TPH2: variants seen among roughly 807,000 people sequenced by gnomAD.
The protein encoded by TPH2 is tryptophan hydroxylase 2.
TPH2 carries 27 observed loss-of-function variants against 59.1 expected under a neutral mutation model. The observed-to-expected ratio is 0.46, with a 90% CI of 0.34 to 0.63. The LOEUF (loss-of-function observed/expected upper bound fraction) is 0.63, where lower values mean the gene tolerates loss of function less well. Ranked by LOEUF, TPH2 falls within the 30% of genes least tolerant of loss-of-function variation. TPH2 has a pLI of 0.01. For missense variants in TPH2, 523 were observed against 588.3 expected (o/e 0.89, Z 1.15); for synonymous variants, 220 against 210.5 (o/e 1.05, Z -0.39).
chr12:72,006,595 G>A (rs1324086096), intron 8 of TPH2, among the ~76,000 whole-genome samples: 2 of 152,082 alleles, frequency 1.3e-5, no homozygotes, highest in Admixed American at 1.3e-4. Flanking sequence ...CAGATATTGA[G>A]GGTGATCAGA....
In TPH2 at chr12:71,954,380, T is replaced by A. The variant is rs376588386; in HGVS notation, c.608+4725T>A. ...TCATTCTTCATAGAAGATCTGAGAA[T>A]GAACGCCCTGTATCGAGAGGACACT... On this transcript the variant is annotated intron_variant, in intron 5 of 10. Transcript: ENST00000333850. Among the ~76,000 whole-genome samples the A allele has an allele frequency of 6.6e-5, 10 of 152,202 alleles. No homozygotes were observed. The East Asian group carries it at 9.6e-4, about 15-fold the overall frequency.
chr12:72,007,252 C>T (rs963515200), intron 8 of TPH2, among the ~76,000 whole-genome samples: 3 of 152,080 alleles, frequency 2.0e-5, no homozygotes, highest in Admixed American at 6.6e-5. Flanking sequence ...AGCACACCTC[C>T]CCCGAGCATA....
At chr12:71,947,754 C>T (rs879810586) in intron 4 of TPH2, among the ~76,000 whole-genome samples, 1 of 151,984 alleles carries the variant, frequency 6.6e-6, no homozygotes, top group Non-Finnish European at 1.5e-5. Context: ...AGTTCTGGAT[C>T]GCCCACAACA....
chr12:71,987,115 C>A (rs1872458290), intron 7 of TPH2, among the ~76,000 whole-genome samples: 1 of 152,150 alleles, frequency 6.6e-6, no homozygotes, highest in South Asian at 2.1e-4. Context: ...TTACAGATGG[C>A]AATTCCAAGG....
rs754100335 is a variant in TPH2 at position 71,979,102 on chromosome 12, TA to T, written c.941+18del. The T allele has an allele frequency of 5.4e-5, 87 of 1,614,080 alleles. No individual in the cohort carries two copies. In the South Asian group the frequency reaches 8.3e-4, roughly 15 times the overall value. On this transcript the variant is annotated intron_variant, in intron 7 of 10. Transcript: ENST00000333850. ...ACCCCAGAACCGTGAGTACCTACAT[TA>T]AAGCCCAGGCCACCACACCATAAAG...
intron 9 of TPH2, among the ~76,000 whole-genome samples, chr12:72,027,520 A>G (rs1405112626): frequency 6.6e-6 from 1 of 152,214 alleles, no homozygotes; most frequent in African/African-American, 2.4e-5. Flanking sequence ...TTGCCCAAGG[A>G]CACGTAGTTA....
intron 8 of TPH2, among the ~76,000 whole-genome samples, chr12:72,015,501 A>G (rs1173509312): frequency 1.3e-5 from 2 of 151,500 alleles, no homozygotes; most frequent in Non-Finnish European, 2.9e-5. Flanking sequence ...TTGTATTTTT[A>G]GTAGAGACGG....
chr12:71,950,959 T>C (rs1328776106), intron 5 of TPH2, among the ~76,000 whole-genome samples: 1 of 152,170 alleles, frequency 6.6e-6, no homozygotes, highest in Non-Finnish European at 1.5e-5. Flanking sequence ...TCCTTCGTCC[T>C]TTCTCCACGA....
chr12:71,942,522 A>G (rs1312862655), intron 2 of TPH2, among the ~76,000 whole-genome samples: 1 of 152,150 alleles, frequency 6.6e-6, no homozygotes, highest in African/African-American at 2.4e-5. Context: ...AGTGCAGTGG[A>G]AAGATAGCTG....
chr12:72,012,207 C>T (rs1464601094), intron 8 of TPH2, among the ~76,000 whole-genome samples: 2 of 147,096 alleles, frequency 1.4e-5, no homozygotes, highest in African/African-American at 4.9e-5. Context: ...ATAACAACAA[C>T]AACAACAAAA....
At chr12:72,009,185 G>A (rs1873034364) in intron 8 of TPH2, among the ~76,000 whole-genome samples, 1 of 152,102 alleles carries the variant, frequency 6.6e-6, no homozygotes, top group Non-Finnish European at 1.5e-5. Flanking sequence ...CCTGGGAAGT[G>A]GAACTTCATC....
rs769711051 is a variant in TPH2, at chr12:71,941,566, G to A, written c.106-18G>A. ...CCTAACTAATATTTTGTTTTATTAT[G>A]CTTCGACATTCCTGAAGCTAAATAA... On this transcript the variant is annotated intron_variant, in intron 1 of 10. Transcript: ENST00000333850. The A allele has an allele frequency of 8.7e-6, 14 of 1,612,408 alleles. No homozygotes were observed. In the African/African-American group the frequency reaches 1.5e-4, roughly 17 times the overall value.
intron 8 of TPH2, among the ~76,000 whole-genome samples, chr12:72,018,827 A>G (rs1873331962): frequency 6.6e-6 from 1 of 152,316 alleles, no homozygotes; most frequent in South Asian, 2.1e-4. Flanking sequence ...AAAATTATGC[A>G]TCTATTAATT....
Position 72,021,978 on chromosome 12 carries a change from C to T in TPH2, c.1069-421C>T, listed in dbSNP as rs151331129. Among the ~76,000 whole-genome samples the T allele has an allele frequency of 1.3e-3, 197 of 152,212 alleles. 4 individuals carry two copies. In the East Asian group the frequency reaches 0.015, roughly 12 times the overall value. On this transcript the variant is annotated intron_variant, in intron 8 of 10. Transcript: ENST00000333850. ...TAAACAAACTGCCAAAAACAGTTAG[C>T]GATTACTGGATTCCAACTTATTTTT...
intron 7 of TPH2, among the ~76,000 whole-genome samples, chr12:71,979,893 G>A (rs1437145106): frequency 6.6e-6 from 1 of 152,214 alleles, no homozygotes; most frequent in East Asian, 1.9e-4. Context: ...TGCTTGGATT[G>A]TCTGGGAATG....
At chr12:71,956,272 C>T (rs1393152664) in intron 5 of TPH2, among the ~76,000 whole-genome samples, 1 of 152,186 alleles carries the variant, frequency 6.6e-6, no homozygotes, top group East Asian at 1.9e-4. Context: ...TTGCTGTATC[C>T]ATTAGATTCA....
chr12:72,014,988 G>A (rs531670163), intron 8 of TPH2, among the ~76,000 whole-genome samples: 2 of 152,092 alleles, frequency 1.3e-5, no homozygotes, highest in East Asian at 3.9e-4. Context: ...TTTTTGTTTA[G>A]CTATGAAGCC....
intron 8 of TPH2, among the ~76,000 whole-genome samples, chr12:72,020,035 G>A (rs1873367073): frequency 1.3e-5 from 2 of 152,274 alleles, no homozygotes; most frequent in South Asian, 4.1e-4. Context: ...TTAATCCAGT[G>A]CTTATTAGGC....
At chr12:72,024,994 A>T (rs1455073768) in intron 9 of TPH2, among the ~76,000 whole-genome samples, 1 of 152,164 alleles carries the variant, frequency 6.6e-6, no homozygotes, top group Non-Finnish European at 1.5e-5. Flanking sequence ...TTCACAGAGA[A>T]TACGTAACAC....
Sources: allele counts gnomAD v4.1 joint callset (sites outside exome capture counted in the v4.1 genomes callset), GRCh38; gene constraint gnomAD v4.1.1; transcripts MANE v1.5; gene names NCBI Gene and HGNC (gene_info 2026-07-23, HGNC 2026-07-21).